GNB4: variants seen among roughly 807,000 people sequenced by gnomAD.
GNB4 encodes G protein subunit beta 4.
Under a neutral mutation model 45.2 loss-of-function variants are expected in GNB4, and 28 were observed. The observed-to-expected ratio is 0.62, with a 90% confidence interval of 0.46 to 0.85. The LOEUF is 0.85. GNB4 is among the 40% of genes least tolerant of loss of function. The pLI, the probability that GNB4 is intolerant of heterozygous loss-of-function variation, is 0.00. For synonymous variants in GNB4, 132 were observed against 143.7 expected (o/e 0.92, Z 0.58); for missense variants, 321 against 425.4 (o/e 0.75, Z 2.16).
At chr3:179,459,035 A>C in the GNB4 span, among the ~76,000 whole-genome samples, 1 of 152,336 alleles carries the variant, frequency 6.6e-6, no homozygotes, top group East Asian at 1.9e-4. Flanking sequence ...TACATACAAC[A>C]GATTTGTAAG....
the GNB4 span, among the ~76,000 whole-genome samples, chr3:179,501,937 G>T: frequency 6.6e-6 from 1 of 151,928 alleles, no homozygotes; most frequent in Non-Finnish European, 1.5e-5. Flanking sequence ...ATTTAATAGG[G>T]GTTAGGCCTT....
chr3:179,439,161 A>C (rs1326188041), intron 1 of GNB4, among the ~76,000 whole-genome samples: 1 of 152,164 alleles, frequency 6.6e-6, no homozygotes, highest in Non-Finnish European at 1.5e-5. Context: ...GTGAGTCTGA[A>C]GCTCTCTAGA....
intron 2 of GNB4, among the ~76,000 whole-genome samples, chr3:179,425,674 T>C (rs1715123818): frequency 6.6e-6 from 1 of 152,176 alleles, no homozygotes; most frequent in Admixed American, 6.5e-5. Flanking sequence ...TTTCACCATG[T>C]TGGCCAGGCT....
chr3:179,505,960 G>A, the GNB4 span, among the ~76,000 whole-genome samples: 3 of 152,218 alleles, frequency 2.0e-5, no homozygotes, highest in Non-Finnish European at 4.4e-5. Flanking sequence ...GTTTGTTACT[G>A]CTGCACAGCT....
intron 4 of GNB4, among the ~76,000 whole-genome samples, chr3:179,418,525 A>T (rs1307079736): frequency 2.6e-5 from 4 of 151,738 alleles, no homozygotes; most frequent in Non-Finnish European, 5.9e-5. Context: ...TTAAGACATT[A>T]TGTCAGTTGC....
In GNB4 at chr3:179,398,574, T is replaced by A. The variant is rs1714190489; in HGVS notation, c.*2639A>T. ...CTGCAATATTCTTGATGATGCAAATTTTTAAAAACTAAATCCAGCCAGATT... is the reference window on the plus strand; with the variant it reads ...CTGCAATATTCTTGATGATGCAAATATTTAAAAACTAAATCCAGCCAGATT... On this transcript the variant is annotated 3_prime_UTR_variant, in exon 10 of 10. Coordinates refer to ENST00000232564, the MANE Select transcript of GNB4 (RefSeq NM_021629.4). 6.6e-6 allele frequency: 1 copy of A among 151,906 alleles called. No individual in the cohort carries two copies. Among genetic ancestry groups the A allele is most frequent in the Admixed American group, 6.6e-5 (1 of 15,256 alleles). The allele number at this position is 151,906 out of a possible 1,614,324, so 9.4% of individuals were successfully genotyped here. A position where few individuals can be genotyped will look rare whatever the true frequency, so the allele number is the denominator to read the frequency against.
chr3:179,527,786 A>ATGTGTGTG, the GNB4 span, among the ~76,000 whole-genome samples: 7,418 of 124,804 alleles, frequency 0.059, 281 homozygotes, highest in Admixed American at 0.095. Context: ...GCGTGTGTGT[A>ATGTGTGTG]TGTATGTGTG....
At chr3:179,418,689 A>G (rs1714884306) in intron 4 of GNB4, among the ~76,000 whole-genome samples, 1 of 152,194 alleles carries the variant, frequency 6.6e-6, no homozygotes, top group South Asian at 2.1e-4. Context: ...TTCTATTAAA[A>G]CATAGAAGTT....
chr3:179,435,025 C>T (rs1403824412), intron 1 of GNB4, among the ~76,000 whole-genome samples: 3 of 151,910 alleles, frequency 2.0e-5, no homozygotes, highest in African/African-American at 7.3e-5. Context: ...ACCTGAAGTC[C>T]ACTGGGAACA....
the GNB4 span, chr3:179,464,315 AC>A: frequency 1.6e-6 from 1 of 628,456 alleles, no homozygotes; most frequent in South Asian, 1.8e-5. Context: ...AAAATATTAA[AC>A]AGGTCCCGGC....
At chr3:179,452,935 G>C (rs1189752785), upstream of GNB4, among the ~76,000 whole-genome samples, 1 of 152,170 alleles carries the variant, frequency 6.6e-6, no homozygotes, top group Admixed American at 6.6e-5. Flanking sequence ...AATTGTTAAA[G>C]AGTGCCTATT....
At chr3:179,520,981 G>A in the GNB4 span, among the ~76,000 whole-genome samples, 3 of 152,080 alleles carry the variant, frequency 2.0e-5, no homozygotes, top group East Asian at 1.9e-4. Context: ...TCACTTCTCA[G>A]TGTTCCATCT....
the GNB4 span, among the ~76,000 whole-genome samples, chr3:179,514,271 G>A: frequency 6.6e-6 from 1 of 152,186 alleles, no homozygotes; most frequent in Non-Finnish European, 1.5e-5. Context: ...ATGGAAAGAT[G>A]GGGAAAGGCA....
At chr3:179,502,303 G>A in the GNB4 span, among the ~76,000 whole-genome samples, 2 of 140,594 alleles carry the variant, frequency 1.4e-5, no homozygotes, top group Non-Finnish European at 3.0e-5. Context: ...TCACCATCTC[G>A]GCTCACTGCA....
intron 8 of GNB4, among the ~76,000 whole-genome samples, chr3:179,408,354 C>T (rs1236638667): frequency 1.3e-5 from 2 of 152,072 alleles, no homozygotes; most frequent in East Asian, 3.9e-4. Context: ...CAATAGGACC[C>T]ATCCAAAGTA....
chr3:179,491,386 A>T, the GNB4 span, among the ~76,000 whole-genome samples: 53,359 of 152,068 alleles, frequency 0.35, 9,580 homozygotes, highest in East Asian at 0.43. Context: ...GGAAGGTGCT[A>T]TGATAGAATC....
upstream of GNB4, among the ~76,000 whole-genome samples, chr3:179,453,986 T>G (rs2108628518): frequency 1.3e-5 from 2 of 152,332 alleles, 1 homozygote; most frequent in South Asian, 4.1e-4. Flanking sequence ...CAGCAATTCA[T>G]GATTTTTCCA....
At chr3:179,414,716 C>A (rs548878933) in intron 6 of GNB4, among the ~76,000 whole-genome samples, 169 bp downstream of exon 6, 2 of 146,714 alleles carry the variant, frequency 1.4e-5, no homozygotes, top group African/African-American at 2.4e-5. Context: ...TTATGATCAA[C>A]GTTTGTATGA....
At chr3:179,488,984 CAAAAAAAAAAAAAAAAAAAAAA>C in the GNB4 span, among the ~76,000 whole-genome samples, 4 of 18,694 alleles carry the variant, frequency 2.1e-4, no homozygotes, top group East Asian at 2.0e-3. Flanking sequence ...ATCCTGTATC[CAAAAAAAAAAAAAAAAAAAAAA>C]AAAAAAAAAA....
Sources: gnomAD v4.1 joint callset for allele counts (sites outside exome capture counted in the v4.1 genomes callset) on GRCh38, gnomAD v4.1.1 for gene constraint, MANE v1.5 for transcripts, NCBI Gene and HGNC (gene_info 2026-07-23, HGNC 2026-07-21) for gene names.